Variants in XXYLT1 observed in about 807,000 individuals in gnomAD.
The protein encoded by XXYLT1 is UDP-xylose:alpha-xyloside alpha-1,3-xylosyltransferase.
In XXYLT1, 20 loss-of-function variants were observed where a neutral mutation model predicts 28.9. The observed-to-expected ratio is 0.69, with a 90% CI of 0.49 to 1.00. The LOEUF (loss-of-function observed/expected upper bound fraction) is 1.00. Ranked by LOEUF, XXYLT1 falls within the 50% of genes least tolerant of loss-of-function variation. The pLI is 0.00. For missense variants in XXYLT1, 542 were observed against 560.1 expected (o/e 0.97, Z 0.33); for synonymous variants, 257 against 253.8 (o/e 1.01, Z -0.12).
At position 195,168,394 on chromosome 3, in the gene XXYLT1, C is replaced by T. The variant is rs187217345; in HGVS notation, c.653-11813G>A. On this transcript the variant is annotated intron_variant, in intron 2 of 3. Coordinates refer to ENST00000310380, the MANE Select transcript of XXYLT1 (RefSeq NM_152531.5). This position sits in a 1 kb window ranked among gnomAD's most constrained non-coding sequence, Gnocchi z 4.3. The stretch of plus-strand genomic sequence containing the variant: ...CAAGCCACAAAATCCCTACTATGTG[C>T]CAAGCACTATGCTAAATGTGAGGGT... Among the ~76,000 whole-genome samples, 4 of 152,304 alleles carry T rather than the reference C, an allele frequency of 2.6e-5. No individual in the cohort carries two copies. Among genetic ancestry groups the T allele is most frequent in the African/African-American group, 9.6e-5 (4 of 41,524 alleles).
intron 1 of XXYLT1, among the ~76,000 whole-genome samples, chr3:195,269,842 G>A (rs1345620395): frequency 6.6e-6 from 1 of 152,230 alleles, no homozygotes; most frequent in Non-Finnish European, 1.5e-5. Context: ...AGGAGAGCCA[G>A]GCAGTGAAGA....
chr3:195,119,764 C>G (rs138932194), intron 3 of XXYLT1, among the ~76,000 whole-genome samples: 2 of 152,308 alleles, frequency 1.3e-5, no homozygotes, highest in Admixed American at 1.3e-4. Flanking sequence ...TCACAAACAT[C>G]TTTTAACCAC....
chr3:195,253,503 C>CTTTTTTTT (rs1231480044), intron 1 of XXYLT1, among the ~76,000 whole-genome samples: 2 of 130,240 alleles, frequency 1.5e-5, no homozygotes, highest in African/African-American at 3.0e-5. Context: ...CTTTTTTTTT[C>CTTTTTTTT]TTTTTTTTTT....
At chr3:195,103,367 C>T (rs1440293395) in intron 3 of XXYLT1, among the ~76,000 whole-genome samples, 2 of 149,258 alleles carry the variant, frequency 1.3e-5, no homozygotes, top group Non-Finnish European at 3.0e-5. Context: ...CCCACGCCAG[C>T]GGCCTGCGTC....
chr3:195,084,021 C>T (rs781123367), intron 3 of XXYLT1, among the ~76,000 whole-genome samples: 22 of 151,158 alleles, frequency 1.5e-4, no homozygotes, highest in Admixed American at 1.3e-4. Context: ...GAGTGAAAAT[C>T]GGTCTCAAAA....
At chr3:195,104,067 T>C (rs935821103) in intron 3 of XXYLT1, among the ~76,000 whole-genome samples, 2 of 152,160 alleles carry the variant, frequency 1.3e-5, no homozygotes, top group African/African-American at 4.8e-5. Flanking sequence ...TACATACAGA[T>C]GGACCCACAG....
chr3:195,257,173 C>T lies in XXYLT1; in HGVS notation c.504+13382G>A, dbSNP rs1018014582. On this transcript the variant is annotated intron_variant, in intron 1 of 3. Transcript: ENST00000310380. This position sits in a 1 kb window ranked among gnomAD's most constrained non-coding sequence, Gnocchi z 4.3. The stretch of plus-strand genomic sequence containing the variant: ...AGCAGCATGTGCACAGGACATCTGA[C>T]GGGCATCGGTGCCCAGCCATCCCAC... 2.6e-5 allele frequency among the ~76,000 whole-genome samples: 4 copies of T among 152,200 alleles called. No homozygotes were observed. The highest frequency in any genetic ancestry group is 7.2e-5 in the African/African-American group (3 of 41,444).
intron 1 of XXYLT1, among the ~76,000 whole-genome samples, chr3:195,260,359 C>A (rs1013194895): frequency 2.0e-5 from 3 of 152,134 alleles, no homozygotes; most frequent in Non-Finnish European, 4.4e-5. Context: ...CTGACCGCAG[C>A]CGCGGAGCCC....
chr3:195,243,655 G>T (rs940350708), intron 1 of XXYLT1, among the ~76,000 whole-genome samples: 3 of 152,212 alleles, frequency 2.0e-5, no homozygotes, highest in Admixed American at 6.5e-5. Context: ...ATCAGTGGCT[G>T]CCTGTTGCCC....
intron 3 of XXYLT1, among the ~76,000 whole-genome samples, chr3:195,110,241 CG>C (rs1717479034): frequency 6.5e-4 from 1 of 1,538 alleles, no homozygotes; most frequent in African/African-American, 1.9e-3. Context: ...GTGTGGTGTG[CG>C]TGTGTGGGTG....
intron 3 of XXYLT1, among the ~76,000 whole-genome samples, chr3:195,128,390 T>C (rs1718742976): frequency 6.6e-6 from 1 of 152,178 alleles, no homozygotes; most frequent in South Asian, 2.1e-4. Context: ...CAGGTATTCA[T>C]GTTTTCACTC....
rs1225603552 is a variant in XXYLT1, at chr3:195,257,625, C to A, written c.504+12930G>T. Among the ~76,000 whole-genome samples, 1 of 152,104 alleles carries A rather than the reference C, an allele frequency of 6.6e-6. No individual in the cohort carries two copies. The highest frequency in any genetic ancestry group is 1.5e-5 in the Non-Finnish European group (1 of 68,012). ...GGCAGCCAGGTACATCCTGGCTGGGCCGGCACGGGCCCCGTAGCTCTCCCT... is the reference window on the plus strand; with the variant it reads ...GGCAGCCAGGTACATCCTGGCTGGGACGGCACGGGCCCCGTAGCTCTCCCT... On this transcript the variant is annotated intron_variant, in intron 1 of 3. Coordinates refer to ENST00000310380, the MANE Select transcript of XXYLT1 (RefSeq NM_152531.5). This position sits in a 1 kb window ranked among gnomAD's most constrained non-coding sequence, Gnocchi z 4.3.
chr3:195,235,953 TAGAG>T (rs2108815676), intron 1 of XXYLT1, among the ~76,000 whole-genome samples: 1 of 149,874 alleles, frequency 6.7e-6, no homozygotes, highest in Admixed American at 6.6e-5. Flanking sequence ...GACATAGACA[TAGAG>T]ATATACACCT....
At chr3:195,106,525 T>G (rs1717099667) in intron 3 of XXYLT1, among the ~76,000 whole-genome samples, 1 of 152,172 alleles carries the variant, frequency 6.6e-6, no homozygotes. Flanking sequence ...GCTCGGTGAT[T>G]CGGGGCTGCG....
intron 3 of XXYLT1, among the ~76,000 whole-genome samples, chr3:195,106,639 G>A (rs1301261450): frequency 6.6e-6 from 1 of 152,252 alleles, no homozygotes; most frequent in Non-Finnish European, 1.5e-5. Context: ...GCGGCAGGGA[G>A]GGCCGCAGAG....
At chr3:195,110,366 C>CATTT (rs1560100934) in intron 3 of XXYLT1, among the ~76,000 whole-genome samples, 1 of 3,224 alleles carries the variant, frequency 3.1e-4, no homozygotes, top group Non-Finnish European at 6.1e-4. Flanking sequence ...TATGTGCGTG[C>CATTT]GTGTGTGCTG....
intron 2 of XXYLT1, among the ~76,000 whole-genome samples, chr3:195,162,964 C>A (rs978193298): frequency 2.0e-5 from 3 of 152,136 alleles, no homozygotes; most frequent in African/African-American, 7.2e-5. Context: ...CCATAGTTCA[C>A]ATCTCTCTCG....
intron 1 of XXYLT1, among the ~76,000 whole-genome samples, chr3:195,231,746 T>A (rs1007005766): frequency 7.0e-6 from 1 of 142,726 alleles, no homozygotes; most frequent in African/African-American, 2.6e-5. Context: ...TTGGTCATGA[T>A]GAATGATTTT....
chr3:195,086,017 T>A (rs1264475059), intron 3 of XXYLT1: 1 of 152,196 alleles, frequency 6.6e-6, no homozygotes, highest in Non-Finnish European at 1.5e-5. Flanking sequence ...AAGGACTGCC[T>A]GGGGCCTGTG....
Sources: gnomAD v4.1 joint callset for allele counts (sites outside exome capture counted in the v4.1 genomes callset) on GRCh38, gnomAD v4.1.1 for gene constraint, Gnocchi (gnomAD v3.1) non-coding constraint, MANE v1.5 for transcripts, NCBI Gene and HGNC (gene_info 2026-07-23, HGNC 2026-07-21) for gene names.